Variants in CD55 observed in about 807,000 individuals in gnomAD.
The protein encoded by CD55 is complement decay-accelerating factor.
Under a neutral mutation model 45.8 loss-of-function variants are expected in CD55, and 41 were observed. The ratio of observed to expected loss-of-function variants is 0.90; its 90% CI spans 0.70 to 1.16. CD55 has a LOEUF of 1.16. Ranked by LOEUF, CD55 falls within the 50% of genes most tolerant of loss-of-function variation. The probability of loss-of-function intolerance (pLI) is 0.00; values close to 1 mark genes in which losing one functional copy is unlikely to be tolerated. For missense variants in CD55, 416 were observed against 469.8 expected (o/e 0.89, Z 1.06); for synonymous variants, 181 against 181.1 (o/e 1.00, Z 0.01).
intron 9 of CD55, chr1:207,350,295 C>T (rs1332463398): frequency 3.2e-6 from 1 of 315,540 alleles, no homozygotes; most frequent in Non-Finnish European, 6.2e-6. Flanking sequence ...CATTTACTTT[C>T]ATCAGGGATG....
At chr1:207,339,973 G>A (rs984158851) in intron 9 of CD55, among the ~76,000 whole-genome samples, 1 of 152,038 alleles carries the variant, frequency 6.6e-6, no homozygotes, top group Non-Finnish European at 1.5e-5. Flanking sequence ...AAACATTTTA[G>A]GTCCTTTCTT....
intron 6 of CD55, among the ~76,000 whole-genome samples, chr1:207,332,993 T>C (rs1439002828): frequency 6.6e-6 from 1 of 152,084 alleles, no homozygotes; most frequent in Non-Finnish European, 1.5e-5. Flanking sequence ...CTTTAATGGT[T>C]ATGGAGGGAT....
At chr1:207,332,925 T>A (rs1655014420) in intron 6 of CD55, among the ~76,000 whole-genome samples, 1 of 152,142 alleles carries the variant, frequency 6.6e-6, no homozygotes, top group Non-Finnish European at 1.5e-5. Flanking sequence ...GAACCTGGAC[T>A]AAGGATTCAC....
chr1:207,339,397 G>T lies in CD55; in HGVS notation c.1061G>T (p.Gly354Val). The T allele has an allele frequency of 6.2e-7, 1 of 1,605,136 alleles. No homozygotes were observed. The highest frequency in any genetic ancestry group is 1.1e-5 in the South Asian group (1 of 89,302). ...TPNKGSGTTS[G>V]TTRLLSGHTC... Reference sequence around the variant, plus strand: ...TCCTTTTTTTCCCCTTCGTCTGTAGGTACTACCCGTCTTCTATCTGGTAAG... The same window carrying T: ...TCCTTTTTTTCCCCTTCGTCTGTAGTTACTACCCGTCTTCTATCTGGTAAG... The change falls in exon 9 of 10, where the codon GGT becomes GTT. Residue 354 changes from glycine to valine, a missense_variant and splice_region_variant. By Grantham distance (109) the Gly-to-Val change is moderately radical. Transcript: ENST00000367064.
chr1:207,340,519 C>T lies in CD55; in HGVS notation c.1081+1102C>T, dbSNP rs1421288809. 3.6e-5 allele frequency: 25 copies of T among 697,366 alleles called. 1 individual carries two copies. The highest frequency in any genetic ancestry group is 7.5e-5 in the South Asian group (5 of 67,010). The allele number at this position is 697,366 out of a possible 1,614,324, so 43.2% of individuals were successfully genotyped here. ...TAGCTGGTACTACAGGTGTGTGCCACGACACCCGGCTAAGTTTTTGAAATT... is the reference window on the plus strand; with the variant it reads ...TAGCTGGTACTACAGGTGTGTGCCATGACACCCGGCTAAGTTTTTGAAATT... On this transcript the variant is annotated intron_variant, in intron 9 of 9. Transcript: ENST00000367064.
chr1:207,337,188 C>G, intron 7 of CD55, 141 bp from the exon 8 acceptor site: 1 of 654,486 alleles, frequency 1.5e-6, no homozygotes, highest in East Asian at 2.7e-5. Context: ...ACACAGGCCA[C>G]ACTAACAGCC....
At chr1:207,347,867 A>G (rs758563063) in intron 9 of CD55, among the ~76,000 whole-genome samples, 2 of 152,188 alleles carry the variant, frequency 1.3e-5, no homozygotes, top group Non-Finnish European at 2.9e-5. Context: ...TTCACTTAGG[A>G]TAATGGTTTC....
At chr1:207,327,368 G>A (rs1230504001) in intron 5 of CD55, among the ~76,000 whole-genome samples, 1 of 152,044 alleles carries the variant, frequency 6.6e-6, no homozygotes, top group Non-Finnish European at 1.5e-5. Flanking sequence ...TTTAAGGTGT[G>A]ATATATTCTT....
In CD55 at chr1:207,360,236, G is replaced by C. The variant is rs1258552915; in HGVS notation, c.*626G>C. The C allele has an allele frequency of 6.6e-6, 1 of 152,176 alleles. No individual in the cohort carries two copies. The highest frequency in any genetic ancestry group is 1.5e-5 in the Non-Finnish European group (1 of 68,008). The allele number at this position is 152,176 out of a possible 1,614,324, so 9.4% of individuals were successfully genotyped here. A position where few individuals can be genotyped will look rare whatever the true frequency, so the allele number is the denominator to read the frequency against. On this transcript the variant is annotated 3_prime_UTR_variant, in exon 10 of 10. Transcript: ENST00000367064. ...GTTGCACAAATAGAGTTTGGAAAAAGCCTGTGAAAGGTGTCTTCTTTGACT... is the reference window on the plus strand; with the variant it reads ...GTTGCACAAATAGAGTTTGGAAAAACCCTGTGAAAGGTGTCTTCTTTGACT...
intron 9 of CD55, among the ~76,000 whole-genome samples, chr1:207,356,919 G>A (rs899808064): frequency 7.2e-5 from 11 of 152,220 alleles, no homozygotes; most frequent in African/African-American, 2.6e-4. Context: ...AACTAGTTGT[G>A]GAATTTATAC....
Position 207,359,840 on chromosome 1 carries a change from T to C in CD55, c.*230T>C, listed in dbSNP as rs947900412. The C allele has an allele frequency of 1.8e-5, 7 of 387,014 alleles. No homozygotes were observed. Among genetic ancestry groups the C allele is most frequent in the Non-Finnish European group, 3.2e-5 (7 of 221,242 alleles). The allele number at this position is 387,014 out of a possible 1,614,324, so 24.0% of individuals were successfully genotyped here. A position where few individuals can be genotyped will look rare whatever the true frequency, so the allele number is the denominator to read the frequency against. On this transcript the variant is annotated 3_prime_UTR_variant, in exon 10 of 10. Coordinates refer to ENST00000367064, the MANE Select transcript of CD55 (RefSeq NM_000574.5). ...TTGAAAATAGAACAACTTGCAGAAT[T>C]GAGAGTGATTCCTTTCCTAAAAGTG... is the stretch of plus-strand genomic sequence containing the variant.
At chr1:207,352,704 A>G (rs1655916337) in intron 9 of CD55, among the ~76,000 whole-genome samples, 1 of 152,152 alleles carries the variant, frequency 6.6e-6, no homozygotes, top group South Asian at 2.1e-4. Context: ...CACAGTCCTA[A>G]AAGTTGAATA....
At chr1:207,329,909 G>A (rs1042153884) in intron 5 of CD55, among the ~76,000 whole-genome samples, 7 of 152,092 alleles carry the variant, frequency 4.6e-5, no homozygotes, top group East Asian at 1.9e-4. Flanking sequence ...ACCATGCCCC[G>A]CTGCCCCTTC....
At chr1:207,338,320 A>T (rs1320485882) in intron 8 of CD55, among the ~76,000 whole-genome samples, 3 of 152,080 alleles carry the variant, frequency 2.0e-5, no homozygotes, top group Non-Finnish European at 4.4e-5. Context: ...ATTAATTTAG[A>T]TTTACTATAC....
intron 9 of CD55, among the ~76,000 whole-genome samples, chr1:207,351,436 A>G (rs916683043): frequency 4.6e-5 from 7 of 152,162 alleles, no homozygotes; most frequent in Non-Finnish European, 7.4e-5. Context: ...AACATTGTCA[A>G]TGGGGTGTTG....
At chr1:207,340,250 T>TATA (rs1655363582) in intron 9 of CD55, 1 of 239,998 alleles carries the variant, frequency 4.2e-6, no homozygotes, top group Non-Finnish European at 7.9e-6. Context: ...TTTCATTTAA[T>TATA]ATAATGGCCT....
At chr1:207,346,317 C>G (rs1448113647) in intron 9 of CD55, among the ~76,000 whole-genome samples, 3 of 152,180 alleles carry the variant, frequency 2.0e-5, no homozygotes, top group Admixed American at 2.0e-4. Flanking sequence ...GGTGGACTGG[C>G]TGAGCATCCG....
intron 6 of CD55, among the ~76,000 whole-genome samples, chr1:207,334,429 A>C (rs1572881629): frequency 6.6e-6 from 1 of 152,218 alleles, no homozygotes; most frequent in African/African-American, 2.4e-5. Context: ...CAGGTAAAAC[A>C]TGAAAATACA....
At chr1:207,344,241 T>C (rs1229635450) in intron 9 of CD55, among the ~76,000 whole-genome samples, 1 of 152,214 alleles carries the variant, frequency 6.6e-6, no homozygotes, top group Non-Finnish European at 1.5e-5. Flanking sequence ...TGTTCTCTCT[T>C]ATTATTGTGA....
Sources: allele counts gnomAD v4.1 joint callset (sites outside exome capture counted in the v4.1 genomes callset), GRCh38; gene constraint gnomAD v4.1.1; transcripts MANE v1.5; gene names NCBI Gene and HGNC (gene_info 2026-07-23, HGNC 2026-07-21).